The following PEAK1 variants were observed in gnomAD, a reference collection of about 807,000 sequenced individuals.
PEAK1 encodes pseudopodium enriched atypical kinase 1, also known as inactive tyrosine-protein kinase PEAK1.
PEAK1 carries 54 observed loss-of-function variants against 124.7 expected under a neutral mutation model. That is an observed-to-expected ratio of 0.43 (90% CI 0.35 to 0.54). PEAK1 has a LOEUF of 0.54. Ranked by LOEUF, PEAK1 falls within the 20% of genes least tolerant of loss-of-function variation. The pLI, the probability that PEAK1 is intolerant of heterozygous loss-of-function variation, is 0.01. For synonymous variants in PEAK1, 719 were observed against 760.0 expected, an observed-to-expected ratio of 0.95 and a Z score of 0.89; for missense variants, 2,046 against 2,134.5, an observed-to-expected ratio of 0.96 and a Z score of 0.82.
rs191889517 is a variant in PEAK1 at position 77,364,914 on chromosome 15, G to A, written c.-603+249C>T. ...ATCAGAGAACAGTAGTATGAATTTC[G>A]TCTTTGAGTATTAAAGATATAGAAA... On this transcript the variant is annotated intron_variant, in intron 2 of 9. Coordinates refer to ENST00000682557, the MANE Select transcript of PEAK1 (RefSeq NM_001385026.1). Among the ~76,000 whole-genome samples, 8 of 152,120 alleles carry A rather than the reference G, an allele frequency of 5.3e-5. No homozygotes were observed. In the South Asian group the frequency reaches 6.2e-4, roughly 12 times the overall value.
intron 1 of PEAK1, chr15:77,381,511 A>G (rs1488016725): frequency 4.2e-6 from 4 of 951,962 alleles, no homozygotes; most frequent in Non-Finnish European, 5.0e-6. Context: ...TTACCAACAA[A>G]CTTTATCTTT....
At chr15:77,132,360 T>C (rs1362910585) in intron 9 of PEAK1, among the ~76,000 whole-genome samples, 2 of 151,922 alleles carry the variant, frequency 1.3e-5, no homozygotes, top group Admixed American at 6.5e-5. Context: ...GCTGGGATTA[T>C]AGCCATGAAC....
chr15:77,313,035 T>C (rs2064576774), intron 2 of PEAK1, among the ~76,000 whole-genome samples: 1 of 152,158 alleles, frequency 6.6e-6, no homozygotes, highest in African/African-American at 2.4e-5. Context: ...AAATAATATC[T>C]AGATTTTGGT....
chr15:77,104,751 T>C (rs1411143134), downstream of PEAK1: 1 of 152,220 alleles, frequency 6.6e-6, no homozygotes, highest in African/African-American at 2.4e-5. Context: ...GGTTGCTGGA[T>C]GACAAATCGT....
At chr15:77,342,335 T>C (rs11638078) in intron 2 of PEAK1, among the ~76,000 whole-genome samples, 1 of 152,012 alleles carries the variant, frequency 6.6e-6, no homozygotes, top group Non-Finnish European at 1.5e-5. Flanking sequence ...CAGCCCCTGG[T>C]ATTCTACTTT....
intron 1 of PEAK1, chr15:77,371,548 A>G: frequency 1.2e-6 from 1 of 801,784 alleles, no homozygotes; most frequent in Non-Finnish European, 1.5e-6. Context: ...CATCATCATC[A>G]TGACATTTTT....
intron 1 of PEAK1, among the ~76,000 whole-genome samples, chr15:77,405,651 A>G (rs1394013615): frequency 6.6e-6 from 1 of 152,208 alleles, no homozygotes; most frequent in African/African-American, 2.4e-5. Context: ...CCCATAGAAG[A>G]TAAGAGAAGA....
chr15:77,245,051 G>A (rs1324691098), intron 6 of PEAK1, among the ~76,000 whole-genome samples: 1 of 152,128 alleles, frequency 6.6e-6, no homozygotes, highest in East Asian at 1.9e-4. Context: ...CCACTTCAAT[G>A]TTTCAATTCT....
chr15:77,339,064 T>C (rs2141309495), intron 2 of PEAK1, among the ~76,000 whole-genome samples: 1 of 152,090 alleles, frequency 6.6e-6, no homozygotes, highest in East Asian at 1.9e-4. Context: ...AGGGAGGGTC[T>C]CAACTGCATT....
intron 2 of PEAK1, among the ~76,000 whole-genome samples, chr15:77,344,286 G>A (rs539627006): frequency 6.6e-6 from 1 of 152,018 alleles, no homozygotes; most frequent in African/African-American, 2.4e-5. Context: ...AGTAGAGACG[G>A]GGTTTCACCA....
intron 5 of PEAK1, among the ~76,000 whole-genome samples, chr15:77,277,862 G>A (rs971622867): frequency 2.0e-5 from 3 of 152,116 alleles, no homozygotes; most frequent in East Asian, 1.9e-4. Context: ...AAGGAAAAGG[G>A]ATGAATAGGC....
At chr15:77,385,504 T>C (rs565369256) in intron 1 of PEAK1, among the ~76,000 whole-genome samples, 2 of 152,306 alleles carry the variant, frequency 1.3e-5, no homozygotes, top group South Asian at 2.1e-4. Context: ...GTTAACTTCA[T>C]TGTAATTATT....
intron 6 of PEAK1, among the ~76,000 whole-genome samples, chr15:77,210,022 T>C (rs1430433397): frequency 6.6e-6 from 1 of 152,230 alleles, no homozygotes; most frequent in Non-Finnish European, 1.5e-5. Flanking sequence ...CTGGGCCAGT[T>C]ACTTATGTCT....
chr15:77,211,582 T>C (rs532322760), intron 6 of PEAK1, among the ~76,000 whole-genome samples: 9 of 152,076 alleles, frequency 5.9e-5, no homozygotes, highest in African/African-American at 1.7e-4. Context: ...GGCACGGCAG[T>C]TCACGCCTGT....
intron 2 of PEAK1, among the ~76,000 whole-genome samples, chr15:77,326,361 A>C (rs1382942092): frequency 1.3e-5 from 2 of 152,240 alleles, no homozygotes; most frequent in African/African-American, 2.4e-5. Flanking sequence ...AGGTAAGTAA[A>C]GCCAGAAATT....
Position 77,189,606 on chromosome 15 carries a change from A to G in PEAK1, c.-114-7566T>C, listed in dbSNP as rs184646446. Among the ~76,000 whole-genome samples the G allele has an allele frequency of 1.3e-3, 199 of 152,326 alleles. 1 individual carries two copies. Among genetic ancestry groups the G allele is most frequent in the Admixed American group, 4.1e-3 (63 of 15,308 alleles). ...GAAGGAAACAAACAGGCATAAACTT[A>G]GCTAGTAGGCTGTCTCAAAGTTGTG... On this transcript the variant is annotated intron_variant, in intron 6 of 9. Coordinates refer to ENST00000682557, the MANE Select transcript of PEAK1 (RefSeq NM_001385026.1).
At chr15:77,386,546 C>A (rs2069957777) in intron 1 of PEAK1, among the ~76,000 whole-genome samples, 1 of 151,964 alleles carries the variant, frequency 6.6e-6, no homozygotes, top group Non-Finnish European at 1.5e-5. Flanking sequence ...TTTGTTCATA[C>A]CCATCAGAAC....
intron 1 of PEAK1, among the ~76,000 whole-genome samples, chr15:77,382,573 T>C (rs972034498): frequency 6.6e-6 from 1 of 152,122 alleles, no homozygotes. Flanking sequence ...CATGCACACC[T>C]CTATCAAACT....
intron 9 of PEAK1, among the ~76,000 whole-genome samples, chr15:77,129,995 T>C (rs2052720930): frequency 6.6e-6 from 1 of 152,188 alleles, no homozygotes; most frequent in South Asian, 2.1e-4. Flanking sequence ...AAAAGAGACA[T>C]TTATATTTAG....
Sources: allele counts gnomAD v4.1 joint callset (sites outside exome capture counted in the v4.1 genomes callset), GRCh38; gene constraint gnomAD v4.1.1; transcripts MANE v1.5; gene names NCBI Gene and HGNC (gene_info 2026-07-23, HGNC 2026-07-21).